The following NCOR2 variants were observed in gnomAD, a reference collection of about 807,000 sequenced individuals.
NCOR2 encodes CTG repeat protein 26.
A neutral mutation model predicts 262.9 loss-of-function variants in NCOR2; 81 were observed. That is an observed-to-expected ratio of 0.31 (90% confidence interval 0.26 to 0.37). The LOEUF (loss-of-function observed/expected upper bound fraction) is 0.37, where lower values mean the gene tolerates loss of function less well. NCOR2 is among the 10% of genes least tolerant of loss of function. NCOR2 has a pLI of 1.00. For synonymous variants in NCOR2, 1,659 were observed against 1,559.3 expected, an observed-to-expected ratio of 1.06 and a Z score of -1.51; for missense variants, 3,385 against 3,621.4, an observed-to-expected ratio of 0.93 and a Z score of 1.68.
intron 1 of NCOR2, among the ~76,000 whole-genome samples, chr12:124,489,715 A>T (rs1443485831): frequency 6.6e-6 from 1 of 152,234 alleles, no homozygotes; most frequent in Non-Finnish European, 1.5e-5. Flanking sequence ...ACTCCTGGGA[A>T]AGGTGAGAGG....
At chr12:124,326,123 C>T (rs1444131601) in intron 46 of NCOR2, 68 bp downstream of exon 48, 2 of 1,400,658 alleles carry the variant, frequency 1.4e-6, no homozygotes, top group Non-Finnish European at 1.9e-6. Flanking sequence ...CATTCAGTGC[C>T]CCGGCAGCAT....
intron 11 of NCOR2, 46 bp downstream of exon 13, chr12:124,426,576 T>A: frequency 1.3e-6 from 2 of 1,515,606 alleles, no homozygotes; most frequent in Non-Finnish European, 8.9e-7. Flanking sequence ...CTCAACAGGA[T>A]GGGGGTGGGG....
rs531898654 is a variant in NCOR2, at chr12:124,481,797, G to A, written c.411+1799C>T. ...GGAGCACAGGGGGGAACACACAGGG[G>A]GATGCAGTCGTCTGCCTTTATAAGA... is the stretch of plus-strand genomic sequence containing the variant. On this transcript the variant is annotated intron_variant, in intron 3 of 46. Transcript: ENST00000405201. The surrounding 1 kb of genome is among the most constrained non-coding windows in gnomAD (Gnocchi z 4.6). Among the ~76,000 whole-genome samples the A allele has an allele frequency of 6.6e-6, 1 of 152,226 alleles. No homozygotes were observed. The highest frequency in any genetic ancestry group is 2.4e-5 in the African/African-American group (1 of 41,526).
chr12:124,336,841 C>T (rs757282329), exon 38 of NCOR2: 30 of 1,612,184 alleles, frequency 1.9e-5, no homozygotes, highest in Admixed American at 6.7e-5. Flanking sequence ...CAGGTGGCGC[C>T]GGCGGGTCCG....
At chr12:124,388,517 G>C (rs554175314) in intron 16 of NCOR2, among the ~76,000 whole-genome samples, 5 of 152,294 alleles carry the variant, frequency 3.3e-5, no homozygotes, top group African/African-American at 1.2e-4. Context: ...CCAGCAGGGA[G>C]AGAGAGGAGA....
chr12:124,398,859 G>T (rs529209846), intron 15 of NCOR2, among the ~76,000 whole-genome samples: 139 of 152,378 alleles, frequency 9.1e-4, no homozygotes, highest in Non-Finnish European at 1.8e-3. Context: ...ACAAGGAGGG[G>T]CTTCTGGTGT....
At chr12:124,408,980 G>A (rs754671436) in intron 13 of NCOR2, among the ~76,000 whole-genome samples, 2 of 152,228 alleles carry the variant, frequency 1.3e-5, no homozygotes, top group East Asian at 1.9e-4. Flanking sequence ...CACTGGGCAC[G>A]GTGAGAGGAT....
intron 7 of NCOR2, among the ~76,000 whole-genome samples, chr12:124,445,159 G>A (rs944466247): frequency 2.0e-4 from 30 of 152,322 alleles, no homozygotes; most frequent in South Asian, 6.2e-4. Flanking sequence ...GGCAACCCCC[G>A]GGCAGGCAGA....
At chr12:124,532,996 A>C (rs13353082) in intron 1 of NCOR2, among the ~76,000 whole-genome samples, 12 of 9,532 alleles carry the variant, frequency 1.3e-3, no homozygotes, top group Non-Finnish European at 2.2e-3. Context: ...TCTTTCCCCC[A>C]CCTCCAAATC....
exon 14 of NCOR2, chr12:124,402,455 T>C: frequency 6.2e-7 from 1 of 1,613,480 alleles, no homozygotes; most frequent in Non-Finnish European, 8.5e-7. Context: ...CTCCTCCTTC[T>C]CCGCCTCCTT....
chr12:124,552,811 CCT>C (rs1335204426), intron 1 of NCOR2, among the ~76,000 whole-genome samples: 2 of 152,140 alleles, frequency 1.3e-5, no homozygotes, highest in Admixed American at 1.3e-4. Context: ...ATCTCAGTCC[CCT>C]GATTAGCTGG....
At chr12:124,405,320 C>T (rs1177452684) in intron 13 of NCOR2, among the ~76,000 whole-genome samples, 2 of 152,238 alleles carry the variant, frequency 1.3e-5, no homozygotes, top group Non-Finnish European at 2.9e-5. Context: ...CAAGCCTTGC[C>T]GCCTCCTCTT....
intron 5 of NCOR2, among the ~76,000 whole-genome samples, chr12:124,461,078 C>T (rs1380190916): frequency 6.6e-6 from 1 of 152,280 alleles, no homozygotes; most frequent in African/African-American, 2.4e-5. Context: ...GCTGGGCTGC[C>T]ACCTTCCGGC....
intron 8 of NCOR2, among the ~76,000 whole-genome samples, chr12:124,435,566 C>A (rs2044286875): frequency 6.6e-6 from 1 of 152,226 alleles, no homozygotes; most frequent in South Asian, 2.1e-4. Context: ...GCAGGCAGGG[C>A]CAAGGGAAGA....
intron 18 of NCOR2, among the ~76,000 whole-genome samples, chr12:124,374,795 G>A (rs866397789): frequency 5.2e-4 from 79 of 152,354 alleles, no homozygotes; most frequent in African/African-American, 1.7e-3. Context: ...GCCTCCTGGT[G>A]GAACCAGGCT....
chr12:124,419,649 T>A (rs1376974674), intron 13 of NCOR2, among the ~76,000 whole-genome samples: 1 of 152,228 alleles, frequency 6.6e-6, no homozygotes, highest in Non-Finnish European at 1.5e-5. Context: ...CGCACAGAGA[T>A]CACAGGTCAC....
intron 4 of NCOR2, among the ~76,000 whole-genome samples, chr12:124,469,648 C>T (rs930442901): frequency 6.6e-6 from 1 of 152,214 alleles, no homozygotes; most frequent in African/African-American, 2.4e-5. Context: ...TCAGCCAGGG[C>T]CCTTCACCTC....
At chr12:124,495,962 TG>T (rs1355677748), upstream of NCOR2, among the ~76,000 whole-genome samples, 1 of 151,842 alleles carries the variant, frequency 6.6e-6, no homozygotes. This position sits in a 1 kb window ranked among gnomAD's most constrained non-coding sequence, Gnocchi z 4.4. Flanking sequence ...GATTAGGACA[TG>T]GAGGGCTACA....
intron 13 of NCOR2, among the ~76,000 whole-genome samples, chr12:124,409,036 C>G (rs1159141713): frequency 6.6e-6 from 1 of 152,190 alleles, no homozygotes; most frequent in Non-Finnish European, 1.5e-5. Context: ...CGCAGCTTCC[C>G]CCTACAGAAA....
Sources: allele counts gnomAD v4.1 joint callset (sites outside exome capture counted in the v4.1 genomes callset), GRCh38; gene constraint gnomAD v4.1.1; non-coding constraint Gnocchi (gnomAD v3.1); transcripts MANE v1.5; gene names NCBI Gene and HGNC (gene_info 2026-07-23, HGNC 2026-07-21).